Variants in KIAA0586 observed in about 807,000 individuals in gnomAD.
KIAA0586 encodes protein TALPID3.
Under a neutral mutation model 169.8 loss-of-function variants are expected in KIAA0586, and 144 were observed. That is an observed-to-expected ratio of 0.85 (90% confidence interval 0.74 to 0.97). KIAA0586 has a LOEUF of 0.97. Ranked by LOEUF, KIAA0586 falls within the 50% of genes least tolerant of loss-of-function variation. KIAA0586 has a pLI of 0.00. For synonymous variants in KIAA0586, 625 were observed against 612.4 expected, an observed-to-expected ratio of 1.02 and a Z score of -0.30; for missense variants, 1,854 against 1,823.0, an observed-to-expected ratio of 1.02 and a Z score of -0.31.
In KIAA0586 at chr14:58,477,007, AC is replaced by A. The variant is rs1424912899; in HGVS notation, c.2826-114del. The A allele has an allele frequency of 1.6e-5, 9 of 572,640 alleles. 1 individual carries two copies. Among genetic ancestry groups the A allele is most frequent in the Non-Finnish European group, 2.8e-5 (9 of 319,520 alleles). The allele number at this position is 572,640 out of a possible 1,614,324, so 35.5% of individuals were successfully genotyped here. On this transcript the variant is annotated intron_variant, in intron 19 of 30. Coordinates refer to ENST00000652326, the MANE Select transcript of KIAA0586 (RefSeq NM_001329943.3). ...TAACTTTCAGAATGACTGCTTTCAC[AC>A]CAACATGTTTGTGGCATTGGTAAAG...
Position 58,498,961 on chromosome 14 carries a change from G to C in KIAA0586, c.4168+1G>C. 1 of 1,587,868 alleles carries C rather than the reference G, an allele frequency of 6.3e-7. No individual in the cohort carries two copies. Among genetic ancestry groups the C allele is most frequent in the Non-Finnish European group, 8.6e-7 (1 of 1,166,736 alleles). On this transcript the variant is annotated splice_donor_variant, in intron 27 of 30. Transcript: ENST00000652326. LOFTEE classifies it high-confidence loss of function. ...TCTCGGCAATTTGACACAGTTTCAGGTAGACACCAAAATATTTTTTCTTGA... is the reference window on the plus strand; with the variant it reads ...TCTCGGCAATTTGACACAGTTTCAGCTAGACACCAAAATATTTTTTCTTGA...
intron 9 of KIAA0586, 31 bp downstream of exon 9, chr14:58,453,504 A>C (rs2039573351): frequency 1.5e-5 from 21 of 1,434,360 alleles, no homozygotes; most frequent in Non-Finnish European, 1.7e-5. Context: ...TGAAAACTAG[A>C]TTGAAAAGAG....
chr14:58,514,103 C>G (rs1169760021), intron 29 of KIAA0586, among the ~76,000 whole-genome samples: 1 of 152,056 alleles, frequency 6.6e-6, no homozygotes, highest in Non-Finnish European at 1.5e-5. Context: ...GTCTTTCACT[C>G]TATAATTGGT....
intron 30 of KIAA0586, among the ~76,000 whole-genome samples, chr14:58,542,407 G>A (rs1301669837): frequency 6.6e-6 from 1 of 151,908 alleles, no homozygotes; most frequent in Non-Finnish European, 1.5e-5. Context: ...ATCCCGGGAG[G>A]TGGAGGTTGC....
chr14:58,427,651 C>T (rs1036728165), upstream of KIAA0586: 30 of 1,535,452 alleles, frequency 2.0e-5, no homozygotes, highest in African/African-American at 2.3e-4. Context: ...AGTTTCTTGG[C>T]GCGCATGCGT....
intron 21 of KIAA0586, among the ~76,000 whole-genome samples, chr14:58,485,902 A>G (rs1002021334): frequency 2.6e-5 from 4 of 151,994 alleles, no homozygotes; most frequent in African/African-American, 4.8e-5. Flanking sequence ...TTTCTGTTCT[A>G]TGCCTTTCCT....
chr14:58,451,464 C>T (rs1012669513), intron 8 of KIAA0586, among the ~76,000 whole-genome samples: 1 of 151,896 alleles, frequency 6.6e-6, no homozygotes, highest in African/African-American at 2.4e-5. Context: ...TGGGCTCAAG[C>T]GATCTGCCCG....
chr14:58,498,706 A>G (rs574604620), intron 26 of KIAA0586, 77 bp from the exon 27 acceptor site: 25 of 1,282,778 alleles, frequency 1.9e-5, no homozygotes, highest in Non-Finnish European at 2.6e-5. Flanking sequence ...GGTATTGTTC[A>G]TGATATTTGG....
intron 11 of KIAA0586, among the ~76,000 whole-genome samples, 199 bp from the exon 12 acceptor site, chr14:58,458,274 C>T (rs2040038314): frequency 1.3e-5 from 2 of 152,062 alleles, no homozygotes; most frequent in South Asian, 4.1e-4. Context: ...AAACTAATAC[C>T]ATGAAAACAA....
In KIAA0586 at chr14:58,513,007, G is replaced by A. The variant is rs533288064; in HGVS notation, c.4429+380G>A. Among the ~76,000 whole-genome samples the A allele has an allele frequency of 4.1e-4, 62 of 152,194 alleles. No homozygotes were observed. In the South Asian group the frequency reaches 0.011, roughly 26 times the overall value. Reference sequence around the variant, plus strand: ...CTTTGTAAAGCACATTATTTAGTGCGTGGTGGTGCTGACCAAGTATAACTT... The same window carrying A: ...CTTTGTAAAGCACATTATTTAGTGCATGGTGGTGCTGACCAAGTATAACTT... On this transcript the variant is annotated intron_variant, in intron 29 of 30. Coordinates refer to ENST00000652326, the MANE Select transcript of KIAA0586 (RefSeq NM_001329943.3).
chr14:58,492,396 G>A, intron 26 of KIAA0586, 121 bp downstream of exon 26: 1 of 718,770 alleles, frequency 1.4e-6, no homozygotes, highest in Non-Finnish European at 2.2e-6. Flanking sequence ...CAGTGTTACA[G>A]CAACTTTAAC....
intron 19 of KIAA0586, among the ~76,000 whole-genome samples, chr14:58,475,793 A>G (rs1356270576): frequency 1.3e-5 from 2 of 152,214 alleles, no homozygotes; most frequent in East Asian, 3.8e-4. Flanking sequence ...CCCAGTTTAC[A>G]AGATCTTACT....
chr14:58,469,214 A>T (rs2041010622), intron 16 of KIAA0586, among the ~76,000 whole-genome samples: 1 of 152,218 alleles, frequency 6.6e-6, no homozygotes, highest in African/African-American at 2.4e-5. Flanking sequence ...GCTAAAATTG[A>T]TAGTGTGTTT....
At position 58,482,615 on chromosome 14, in the gene KIAA0586, C is replaced by T. The variant is rs372259984; in HGVS notation, c.3047C>T (p.Thr1016Ile). 7.3e-5 allele frequency: 118 copies of T among 1,608,904 alleles called. No individual in the cohort carries two copies. Among genetic ancestry groups the T allele is most frequent in the Middle Eastern group, 4.9e-4 (3 of 6,070 alleles). ...TTTGTTAACGAAGCTCTTGCTGAGA[C>T]CATTGCTGTCATGCTGGGTGACAGA... ...KHFVNEALAE[T>I]IAVMLGDREA... Residue 1016 changes from threonine to isoleucine, a missense_variant, in exon 21 of 31, where the codon ACC becomes ATC. Physicochemically the swap from Thr to Ile is moderately conservative, Grantham distance 89 (BLOSUM62 -1). Coordinates refer to ENST00000652326, the MANE Select transcript of KIAA0586 (RefSeq NM_001329943.3).
intron 20 of KIAA0586, among the ~76,000 whole-genome samples, chr14:58,480,596 C>G (rs902505248): frequency 6.6e-6 from 1 of 152,126 alleles, no homozygotes; most frequent in African/African-American, 2.4e-5. Flanking sequence ...TTTAGTATGT[C>G]TAAAATTCTT....
rs78511804 is a variant in KIAA0586, at chr14:58,470,734, G to A, written c.2553+11G>A. The A allele has an allele frequency of 0.014, 18,953 of 1,335,286 alleles. 172 individuals are homozygous for A. Among genetic ancestry groups the A allele is most frequent in the Middle Eastern group, 0.037 (207 of 5,528 alleles). 82.7% of individuals were successfully genotyped at this position (1,335,286 alleles called of 1,614,324 possible). A position where few individuals can be genotyped will look rare whatever the true frequency, so the allele number is the denominator to read the frequency against. The stretch of plus-strand genomic sequence containing the variant: ...CAAACTTGGATAAAGGTATATTTCA[G>A]AATTTTATCATATTATTTTGAGTAA... On this transcript the variant is annotated intron_variant, in intron 17 of 30. Transcript: ENST00000652326.
Position 58,427,939 on chromosome 14 carries a change from A to G in KIAA0586, c.-326A>G, listed in dbSNP as rs1396237370. On this transcript the variant is annotated 5_prime_UTR_variant, in exon 1 of 31. An upstream start codon of the reference 5' UTR is lost. Coordinates refer to ENST00000652326, the MANE Select transcript of KIAA0586 (RefSeq NM_001329943.3). ...CAACAAATTTTAAGCCCGCCACTAC[A>G]TGTGTTTGGTTTTGCCCTACCAGCT... 10 of 1,380,912 alleles carry G rather than the reference A, an allele frequency of 7.2e-6. No homozygotes were observed. The highest frequency in any genetic ancestry group is 4.7e-5 in the South Asian group (3 of 64,454). 85.5% of individuals were successfully genotyped at this position (1,380,912 alleles called of 1,614,324 possible).
At position 58,521,563 on chromosome 14, in the gene KIAA0586, T is replaced by A. The variant is rs2045231655; in HGVS notation, c.4429+8936T>A. ...AGTGCCCTCGAAATGTCAGCATGTA[T>A]CAGGAAACATGAAGGGGAAAAAGTG... is the stretch of plus-strand genomic sequence containing the variant. On this transcript the variant is annotated intron_variant, in intron 29 of 30. Transcript: ENST00000652326. The A allele has an allele frequency of 2.3e-5, 20 of 888,790 alleles. No individual in the cohort carries two copies. The South Asian group carries it at 2.3e-4, about 10-fold the overall frequency. The allele number at this position is 888,790 out of a possible 1,614,324, so 55.1% of individuals were successfully genotyped here. A position where few individuals can be genotyped will look rare whatever the true frequency, so the allele number is the denominator to read the frequency against.
chr14:58,466,053 G>A, intron 15 of KIAA0586, 24 bp downstream of exon 15: 1 of 1,471,922 alleles, frequency 6.8e-7, no homozygotes, highest in East Asian at 2.3e-5. Flanking sequence ...AAATATGTGG[G>A]ATGGATTTTA....
Sources: gnomAD v4.1 joint callset for allele counts (sites outside exome capture counted in the v4.1 genomes callset) on GRCh38, gnomAD v4.1.1 for gene constraint, MANE v1.5 for transcripts, NCBI Gene and HGNC (gene_info 2026-07-23, HGNC 2026-07-21) for gene names.